The following ZDHHC14 variants were observed in gnomAD, a reference collection of about 807,000 sequenced individuals.
The protein encoded by ZDHHC14 is zDHHC palmitoyltransferase 14.
In ZDHHC14, 16 loss-of-function variants were observed where a neutral mutation model predicts 47.7. The observed-to-expected ratio is 0.34, with a 90% CI of 0.23 to 0.51. The LOEUF (loss-of-function observed/expected upper bound fraction) is 0.51, where lower values mean the gene tolerates loss of function less well. Among genes scored for constraint, ZDHHC14 ranks in the 20% least tolerant of loss-of-function variants. The probability of loss-of-function intolerance (pLI) is 0.97; values close to 1 mark genes in which losing one functional copy is unlikely to be tolerated. For synonymous variants in ZDHHC14, 293 were observed against 278.9 expected, an observed-to-expected ratio of 1.05 and a Z score of -0.50; for missense variants, 515 against 662.5, an observed-to-expected ratio of 0.78 and a Z score of 2.44.
At chr6:157,457,803 C>G (rs1778963033) in intron 1 of ZDHHC14, among the ~76,000 whole-genome samples, 1 of 152,168 alleles carries the variant, frequency 6.6e-6, no homozygotes, top group Non-Finnish European at 1.5e-5. Flanking sequence ...TGGCCTCTAC[C>G]ACTTGCGCCC....
At chr6:157,472,982 A>G (rs1779389655) in intron 1 of ZDHHC14, among the ~76,000 whole-genome samples, 1 of 152,214 alleles carries the variant, frequency 6.6e-6, no homozygotes, top group African/African-American at 2.4e-5. Flanking sequence ...AGCAAAGATA[A>G]CAAGATAACT....
At chr6:157,521,154 C>T (rs1325040241) in intron 1 of ZDHHC14, among the ~76,000 whole-genome samples, 1 of 152,160 alleles carries the variant, frequency 6.6e-6, no homozygotes, top group Non-Finnish European at 1.5e-5. Context: ...TCCTCATTTA[C>T]AGATGGAGAA....
chr6:157,545,189 G>A (rs1781922855), intron 2 of ZDHHC14, among the ~76,000 whole-genome samples: 1 of 152,186 alleles, frequency 6.6e-6, no homozygotes, highest in African/African-American at 2.4e-5. Flanking sequence ...TGATTTCCTG[G>A]GGCTGGGAGG....
intron 1 of ZDHHC14, among the ~76,000 whole-genome samples, chr6:157,459,433 T>C (rs1779011423): frequency 6.6e-6 from 1 of 152,166 alleles, no homozygotes; most frequent in Non-Finnish European, 1.5e-5. Context: ...GTTTGGAGAC[T>C]TTGTTGGAGG....
In ZDHHC14 at chr6:157,552,582, G is replaced by C. The variant is rs570262361; in HGVS notation, c.406+9837G>C. ...AGGAAGCAAAGGACTCAATGAGGAC[G>C]GAGGAAATGGACCAAGGCAAGGAGG... On this transcript the variant is annotated intron_variant, in intron 2 of 8. Coordinates refer to ENST00000359775, the MANE Select transcript of ZDHHC14 (RefSeq NM_024630.3). Among the ~76,000 whole-genome samples, 2 of 152,172 alleles carry C rather than the reference G, an allele frequency of 1.3e-5. 1 individual carries two copies. The highest frequency in any genetic ancestry group is 4.1e-4 in the South Asian group (2 of 4,832).
At chr6:157,659,722 G>A (rs376622033) in intron 8 of ZDHHC14, among the ~76,000 whole-genome samples, 1 of 152,208 alleles carries the variant, frequency 6.6e-6, no homozygotes, top group Non-Finnish European at 1.5e-5. Context: ...CAGCACCGTC[G>A]CTAAGAGCAA....
chr6:157,674,135 A>G lies in ZDHHC14; in HGVS notation c.*1013A>G, dbSNP rs567740819. 2.0e-5 allele frequency: 3 copies of G among 152,300 alleles called. No homozygotes were observed. Among genetic ancestry groups the G allele is most frequent in the African/African-American group, 7.2e-5 (3 of 41,504 alleles). 9.4% of individuals were successfully genotyped at this position (152,300 alleles called of 1,614,324 possible). A position where few individuals can be genotyped will look rare whatever the true frequency, so the allele number is the denominator to read the frequency against. On this transcript the variant is annotated 3_prime_UTR_variant, in exon 9 of 9. Coordinates refer to ENST00000359775, the MANE Select transcript of ZDHHC14 (RefSeq NM_024630.3). ...TTTCCATCATTTATTTTCTTTAATT[A>G]TCTCTTTTTGACACCATCTTAGTGG...
At chr6:157,504,312 C>T (rs1159190686) in intron 1 of ZDHHC14, among the ~76,000 whole-genome samples, 5 of 145,314 alleles carry the variant, frequency 3.4e-5, no homozygotes, top group Admixed American at 6.9e-5. Context: ...GGTTCACGCC[C>T]GGCTAATTTT....
chr6:157,504,783 G>T (rs971384573), intron 1 of ZDHHC14, among the ~76,000 whole-genome samples: 8 of 149,198 alleles, frequency 5.4e-5, no homozygotes, highest in Non-Finnish European at 1.2e-4. Context: ...AAAATACCAT[G>T]TGTTTTGTTT....
chr6:157,389,604 C>T (rs1310770832), intron 1 of ZDHHC14, among the ~76,000 whole-genome samples: 4 of 152,184 alleles, frequency 2.6e-5, no homozygotes, highest in African/African-American at 9.6e-5. Flanking sequence ...TTTAGTATTT[C>T]CTTTTATCTT....
rs938849179 is a variant in ZDHHC14 at position 157,586,422 on chromosome 6, T to C, written c.407-6566T>C. ...AAATGCCTGGAAGTAGAAAACAGCA[T>C]TGCCCGCTCAGGGAAACCCAAGGAG... On this transcript the variant is annotated intron_variant, in intron 2 of 8. Coordinates refer to ENST00000359775, the MANE Select transcript of ZDHHC14 (RefSeq NM_024630.3). The surrounding 1 kb of genome is among the most constrained non-coding windows in gnomAD (Gnocchi z 4.6). Among the ~76,000 whole-genome samples the C allele has an allele frequency of 6.6e-6, 1 of 152,142 alleles. No individual in the cohort carries two copies. The highest frequency in any genetic ancestry group is 1.9e-4 in the East Asian group (1 of 5,194).
chr6:157,561,077 C>T (rs893788607), intron 2 of ZDHHC14, among the ~76,000 whole-genome samples: 5 of 152,226 alleles, frequency 3.3e-5, no homozygotes, highest in Non-Finnish European at 7.3e-5. Flanking sequence ...AGCCCAGGTC[C>T]TCAGAGCGTG....
At chr6:157,523,912 A>T (rs924118532) in intron 1 of ZDHHC14, among the ~76,000 whole-genome samples, 9 of 151,966 alleles carry the variant, frequency 5.9e-5, no homozygotes, top group Admixed American at 5.9e-4. Flanking sequence ...AACAACAAAG[A>T]CTCACTGGTA....
At chr6:157,514,909 G>A (rs1780626305) in intron 1 of ZDHHC14, among the ~76,000 whole-genome samples, 1 of 152,190 alleles carries the variant, frequency 6.6e-6, no homozygotes, top group Admixed American at 6.5e-5. Flanking sequence ...TATAACATCT[G>A]GTTCTCGACT....
Position 157,673,500 on chromosome 6 carries a change from G to A in ZDHHC14, c.*378G>A. The A allele has an allele frequency of 5.2e-6, 1 of 190,798 alleles. No homozygotes were observed. The allele number at this position is 190,798 out of a possible 1,614,324, so 11.8% of individuals were successfully genotyped here. A position where few individuals can be genotyped will look rare whatever the true frequency, so the allele number is the denominator to read the frequency against. On this transcript the variant is annotated 3_prime_UTR_variant, in exon 9 of 9. Transcript: ENST00000359775. The surrounding 1 kb of genome is among the most constrained non-coding windows in gnomAD (Gnocchi z 5.4). ...CTTATGTGTTATGCTACTAATATTT[G>A]AAACAGACCTGCCATTCCATTTGTT...
At chr6:157,541,612 C>T (rs914234802) in intron 1 of ZDHHC14, among the ~76,000 whole-genome samples, 1 of 152,186 alleles carries the variant, frequency 6.6e-6, no homozygotes, top group Admixed American at 6.5e-5. Context: ...GCGTCATGTT[C>T]CCCAATGCCC....
intron 2 of ZDHHC14, among the ~76,000 whole-genome samples, chr6:157,588,393 A>C (rs181253992): frequency 2.0e-5 from 3 of 152,236 alleles, no homozygotes; most frequent in Non-Finnish European, 4.4e-5. Context: ...TGGGAGGTCA[A>C]GGCTACAGTG....
At chr6:157,442,400 C>G (rs1486390539) in intron 1 of ZDHHC14, among the ~76,000 whole-genome samples, 3 of 152,122 alleles carry the variant, frequency 2.0e-5, no homozygotes, top group Non-Finnish European at 2.9e-5. Context: ...CAAACCAAAA[C>G]AAAACAACTT....
At chr6:157,547,160 A>G (rs896372702) in intron 2 of ZDHHC14, among the ~76,000 whole-genome samples, 1 of 152,248 alleles carries the variant, frequency 6.6e-6, no homozygotes, top group Non-Finnish European at 1.5e-5. Context: ...CAGGCAGAGT[A>G]GATGCACCCG....
Sources: gnomAD v4.1 joint callset for allele counts (sites outside exome capture counted in the v4.1 genomes callset) on GRCh38, gnomAD v4.1.1 for gene constraint, Gnocchi (gnomAD v3.1) non-coding constraint, MANE v1.5 for transcripts, NCBI Gene and HGNC (gene_info 2026-07-23, HGNC 2026-07-21) for gene names.